Variants in ZFP64 observed in about 807,000 individuals in gnomAD.
ZFP64 encodes ZFP64 zinc finger protein.
In ZFP64, 14 loss-of-function variants were observed where a neutral mutation model predicts 51.6. The ratio of observed to expected loss-of-function variants is 0.27; its 90% CI spans 0.18 to 0.42. The LOEUF is 0.42. ZFP64 is among the 10% of genes least tolerant of loss of function. The pLI is 1.00. For missense variants in ZFP64, 754 were observed against 906.8 expected (o/e 0.83, Z 2.16); for synonymous variants, 375 against 361.4 (o/e 1.04, Z -0.43).
At chr20:52,134,286 A>C (rs971918098) in intron 5 of ZFP64, among the ~76,000 whole-genome samples, 1 of 152,182 alleles carries the variant, frequency 6.6e-6, no homozygotes, top group Admixed American at 6.6e-5. Flanking sequence ...CCTCTCTGCT[A>C]AATTTCTCAT....
At chr20:52,174,009 G>T (rs1982970091) in intron 2 of ZFP64, among the ~76,000 whole-genome samples, 4 of 152,102 alleles carry the variant, frequency 2.6e-5, no homozygotes, top group Admixed American at 2.6e-4. Context: ...ACTTATTTGA[G>T]AAATTATTAA....
intron 7 of ZFP64, among the ~76,000 whole-genome samples, chr20:52,092,941 T>C (rs1283293116): frequency 2.6e-5 from 4 of 152,190 alleles, no homozygotes; most frequent in Non-Finnish European, 5.9e-5. Context: ...AAATTGTTTA[T>C]TGTTCGCAAG....
intron 5 of ZFP64, among the ~76,000 whole-genome samples, chr20:52,132,147 A>C (rs923675666): frequency 1.3e-5 from 2 of 152,194 alleles, no homozygotes; most frequent in Non-Finnish European, 2.9e-5. Flanking sequence ...GAAATTAAGA[A>C]GAAAATTTAA....
intron 5 of ZFP64, among the ~76,000 whole-genome samples, chr20:52,158,785 G>A (rs2122989966): frequency 6.6e-6 from 1 of 152,266 alleles, no homozygotes; most frequent in African/African-American, 2.4e-5. Flanking sequence ...ACACTGTGAT[G>A]ACCTCTCACT....
At chr20:52,146,521 T>C (rs1036928355), downstream of ZFP64, among the ~76,000 whole-genome samples, 9 of 137,960 alleles carry the variant, frequency 6.5e-5, no homozygotes, top group African/African-American at 2.2e-4. Flanking sequence ...TAGGTGGGAA[T>C]TGAACAATGA....
intron 5 of ZFP64, among the ~76,000 whole-genome samples, chr20:52,133,215 A>G (rs576964731): frequency 2.0e-5 from 3 of 152,328 alleles, no homozygotes; most frequent in South Asian, 2.1e-4. Context: ...TCAACATAAT[A>G]ATAGCCATAT....
Position 52,134,086 on chromosome 20 carries a change from C to T in ZFP64, c.763+26037G>A, listed in dbSNP as rs549260870. On this transcript the variant is annotated intron_variant, in intron 5 of 8. Transcript: ENST00000361387. ...TTTCCCTATTGCAGGAAATCACACA[C>T]TCACCCCACTGAGAACTAAATGCTA... 4.4e-4 allele frequency among the ~76,000 whole-genome samples: 67 copies of T among 150,808 alleles called. 1 individual carries two copies. Among genetic ancestry groups the T allele is most frequent in the African/African-American group, 1.6e-3 (66 of 40,986 alleles).
chr20:52,106,419 G>C (rs942078879), intron 5 of ZFP64, among the ~76,000 whole-genome samples: 1 of 152,136 alleles, frequency 6.6e-6, no homozygotes, highest in African/African-American at 2.4e-5. Context: ...AAAAGACCCA[G>C]CCAGGCTCAT....
In ZFP64 at chr20:52,152,078, T is replaced by G; in HGVS notation, c.*68A>C. 4 of 1,542,076 alleles carry G rather than the reference T, an allele frequency of 2.6e-6. No homozygotes were observed. Among genetic ancestry groups the G allele is most frequent in the Non-Finnish European group, 3.5e-6 (4 of 1,146,836 alleles). On this transcript the variant is annotated 3_prime_UTR_variant, in exon 6 of 6. Transcript: ENST00000216923. ...AAAGAAAACATTAAGAGCAAACCTTTTAGAGAATTCTACTTAAGATTTCTT... is the reference window on the plus strand; with the variant it reads ...AAAGAAAACATTAAGAGCAAACCTTGTAGAGAATTCTACTTAAGATTTCTT...
Position 52,153,487 on chromosome 20 carries a change from C to T in ZFP64, c.764-59G>A, listed in dbSNP as rs1468051606. On this transcript the variant is annotated intron_variant, in intron 5 of 5. Transcript: ENST00000216923. The surrounding 1 kb of genome is among the most constrained non-coding windows in gnomAD (Gnocchi z 5.1). ...GCAGGCAACAACCACAGCGGATCCC[C>T]CCGAAGCACACACCAGAAAATCGCT... is the stretch of plus-strand genomic sequence containing the variant. 1.9e-5 allele frequency: 29 copies of T among 1,547,704 alleles called. No individual in the cohort carries two copies. Among genetic ancestry groups the T allele is most frequent in the Non-Finnish European group, 2.2e-5 (25 of 1,146,072 alleles).
chr20:52,111,460 C>T (rs1194143796), intron 5 of ZFP64, among the ~76,000 whole-genome samples: 1 of 151,932 alleles, frequency 6.6e-6, no homozygotes, highest in Admixed American at 6.6e-5. Context: ...GGTGATCTGC[C>T]TGCTTCGGCC....
At chr20:52,145,074 G>A (rs2122926201) in intron 5 of ZFP64, among the ~76,000 whole-genome samples, 1 of 152,256 alleles carries the variant, frequency 6.6e-6, no homozygotes, top group Admixed American at 6.5e-5. Flanking sequence ...AAGAAGAAAA[G>A]AGCTCCAGCT....
chr20:52,115,077 C>T (rs998665639), intron 5 of ZFP64, among the ~76,000 whole-genome samples: 5 of 151,682 alleles, frequency 3.3e-5, no homozygotes, highest in Middle Eastern at 3.4e-3. Context: ...TGGTGGTGGG[C>T]GCCTGTAGTC....
intron 5 of ZFP64, among the ~76,000 whole-genome samples, chr20:52,141,959 C>T (rs1210660233): frequency 1.3e-5 from 2 of 152,196 alleles, no homozygotes; most frequent in African/African-American, 2.4e-5. Context: ...GAGAGTCAAA[C>T]ACCGCATGGT....
intron 2 of ZFP64, among the ~76,000 whole-genome samples, chr20:52,179,261 G>C (rs1453779977): frequency 6.6e-6 from 1 of 152,172 alleles, no homozygotes; most frequent in South Asian, 2.1e-4. Flanking sequence ...CAGCCATGTG[G>C]AACTGTGAGT....
intron 7 of ZFP64, chr20:52,097,260 T>G: frequency 7.7e-7 from 1 of 1,291,360 alleles, no homozygotes; most frequent in East Asian, 2.3e-5. Context: ...TAGACTGAGT[T>G]TCATGAGGCA....
At chr20:52,120,183 C>G (rs1023351843) in intron 5 of ZFP64, among the ~76,000 whole-genome samples, 1 of 152,168 alleles carries the variant, frequency 6.6e-6, no homozygotes, top group Non-Finnish European at 1.5e-5. Flanking sequence ...CCGAATCTGC[C>G]AGTGCCTTGA....
intron 5 of ZFP64, among the ~76,000 whole-genome samples, chr20:52,128,988 A>T (rs1039756881): frequency 2.0e-5 from 3 of 151,806 alleles, no homozygotes; most frequent in African/African-American, 7.3e-5. Context: ...ATCTGGGCTC[A>T]CTGCTACCTC....
In ZFP64 at chr20:52,152,513, T is replaced by A; in HGVS notation, c.1679A>T (p.Glu560Val). The stretch of plus-strand genomic sequence containing the variant: ...AGCCGGCTGGGTCATTGCGCCCGCC[T>A]CGCTCGGACACCGCGAGGACTGAGG... ...APPQSSRCPS[E>V]AGAMTQPAVL... The change falls in exon 6 of 6, where the codon GAG becomes GTG. Residue 560 changes from glutamate to valine, a missense_variant. Physicochemically the swap from Glu to Val is moderately radical, Grantham distance 121. Around this residue, in one of 3 missense-constraint regions of ZFP64, gnomAD observed 428 missense variants for 472.4 expected, o/e 0.91. Transcript: ENST00000216923. The A allele has an allele frequency of 6.2e-7, 1 of 1,605,594 alleles. No homozygotes were observed. Among genetic ancestry groups the A allele is most frequent in the African/African-American group, 1.3e-5 (1 of 74,980 alleles).
Sources: gnomAD v4.1 joint callset for allele counts (sites outside exome capture counted in the v4.1 genomes callset) on GRCh38, gnomAD v4.1.1 for gene constraint, gnomAD v4.1.1 regional missense constraint, Gnocchi (gnomAD v3.1) non-coding constraint, MANE v1.5 for transcripts, NCBI Gene and HGNC (gene_info 2026-07-23, HGNC 2026-07-21) for gene names.